IGSF11: variants seen among roughly 807,000 people sequenced by gnomAD.
IGSF11 encodes CXADR like 1.
A neutral mutation model predicts 41.0 loss-of-function variants in IGSF11; 22 were observed. That is an observed-to-expected ratio of 0.54 (90% CI 0.38 to 0.77). The LOEUF is 0.77. Ranked by LOEUF, IGSF11 falls within the 30% of genes least tolerant of loss-of-function variation. IGSF11 has a pLI of 0.00. For missense variants in IGSF11, 444 were observed against 530.8 expected, an observed-to-expected ratio of 0.84 and a Z score of 1.61; for synonymous variants, 219 against 201.3, an observed-to-expected ratio of 1.09 and a Z score of -0.74.
At chr3:119,058,648 C>T (rs1941943639) in intron 1 of IGSF11, among the ~76,000 whole-genome samples, 1 of 152,224 alleles carries the variant, frequency 6.6e-6, no homozygotes, top group South Asian at 2.1e-4. Context: ...GATTATAAAT[C>T]ATGCTGCTAT....
chr3:119,013,104 C>T (rs1460420384), intron 1 of IGSF11: 1 of 152,330 alleles, frequency 6.6e-6, no homozygotes, highest in Non-Finnish European at 1.5e-5. Context: ...GGCTAGCTCT[C>T]CCATGCCCTC....
intron 1 of IGSF11, among the ~76,000 whole-genome samples, chr3:118,957,842 C>A (rs1032947097): frequency 6.6e-6 from 1 of 152,174 alleles, no homozygotes; most frequent in African/African-American, 2.4e-5. Context: ...ACCAACTTGA[C>A]CAAGGATAAA....
chr3:118,970,750 CAAA>C (rs56812884), intron 1 of IGSF11, among the ~76,000 whole-genome samples: 2 of 102,094 alleles, frequency 2.0e-5, no homozygotes, highest in African/African-American at 3.1e-5. Context: ...CACAGTTTTA[CAAA>C]AAAAAAAAAA....
At chr3:118,981,394 C>T (rs1318467348) in intron 1 of IGSF11, among the ~76,000 whole-genome samples, 1 of 152,104 alleles carries the variant, frequency 6.6e-6, no homozygotes, top group Non-Finnish European at 1.5e-5. Flanking sequence ...AACTCCTGAC[C>T]TCAAGTGATC....
chr3:119,037,326 G>A (rs1940954176), upstream of IGSF11, among the ~76,000 whole-genome samples: 1 of 152,054 alleles, frequency 6.6e-6, no homozygotes, highest in South Asian at 2.1e-4. Context: ...AACCCAGGGG[G>A]GATGGGTAAG....
chr3:118,977,403 G>C (rs1934235841), intron 1 of IGSF11, among the ~76,000 whole-genome samples: 1 of 152,142 alleles, frequency 6.6e-6, no homozygotes, highest in Non-Finnish European at 1.5e-5. Context: ...GTTTGGTCTT[G>C]GGTATTAATT....
chr3:119,094,981 T>C (rs1411723965), intron 1 of IGSF11, among the ~76,000 whole-genome samples: 1 of 152,128 alleles, frequency 6.6e-6, no homozygotes, highest in Non-Finnish European at 1.5e-5. Flanking sequence ...CAAGTCTCTA[T>C]ATTTTTAACA....
intron 1 of IGSF11, among the ~76,000 whole-genome samples, chr3:119,078,574 A>T (rs1287126831): frequency 6.6e-6 from 1 of 152,234 alleles, no homozygotes; most frequent in Non-Finnish European, 1.5e-5. Flanking sequence ...CTCAAGATGG[A>T]TTAAAGATTT....
rs190638172 is a variant in IGSF11, at chr3:119,027,688, C to T, written c.52+6843G>A. ...TATCAATAGACATAAACCACATAAACTAAAGCTCTTTGCAGTCCTCAATAA... is the reference window on the plus strand; with the variant it reads ...TATCAATAGACATAAACCACATAAATTAAAGCTCTTTGCAGTCCTCAATAA... On this transcript the variant is annotated intron_variant, in intron 1 of 6. Transcript: ENST00000393775. Among the ~76,000 whole-genome samples, 9 of 152,304 alleles carry T rather than the reference C, an allele frequency of 5.9e-5. No homozygotes were observed. In the East Asian group the frequency reaches 1.7e-3, roughly 29 times the overall value.
At chr3:118,924,296 T>C (rs1942096711) in intron 4 of IGSF11, among the ~76,000 whole-genome samples, 1 of 152,164 alleles carries the variant, frequency 6.6e-6, no homozygotes, top group Admixed American at 6.5e-5. Flanking sequence ...GGATTCACTT[T>C]CCTGGTGTCA....
chr3:118,905,753 C>T (rs761432992), intron 4 of IGSF11, 35 bp from the exon 5 acceptor site: 6 of 1,610,346 alleles, frequency 3.7e-6, no homozygotes, highest in African/African-American at 2.7e-5. Context: ...GAGGATTTGG[C>T]GGGACTAATA....
intron 1 of IGSF11, among the ~76,000 whole-genome samples, chr3:118,950,502 A>G (rs1944492709): frequency 6.6e-6 from 1 of 152,132 alleles, no homozygotes; most frequent in South Asian, 2.1e-4. Context: ...AGAATATTCA[A>G]GGTTAAGGTT....
intron 1 of IGSF11, among the ~76,000 whole-genome samples, chr3:118,956,678 T>C (rs892170321): frequency 2.0e-5 from 3 of 152,142 alleles, no homozygotes; most frequent in Admixed American, 6.5e-5. Context: ...ATATCAAAGA[T>C]TGCTAATTGC....
intron 1 of IGSF11, among the ~76,000 whole-genome samples, chr3:118,961,962 A>G (rs1945366581): frequency 1.3e-5 from 2 of 152,216 alleles, no homozygotes. Flanking sequence ...GGTATGCCCC[A>G]TGAAAGTTAT....
At chr3:119,118,903 A>G (rs1170435057) in intron 1 of IGSF11, among the ~76,000 whole-genome samples, 1 of 152,218 alleles carries the variant, frequency 6.6e-6, no homozygotes, top group Admixed American at 6.5e-5. Context: ...TCTCTGTGCT[A>G]AAATGTAACA....
chr3:119,015,760 A>C (rs560171521), intron 1 of IGSF11, among the ~76,000 whole-genome samples: 36 of 150,478 alleles, frequency 2.4e-4, no homozygotes, highest in African/African-American at 8.5e-4. Context: ...AAAAAAAAAA[A>C]ACTGTTTTAT....
intron 1 of IGSF11, among the ~76,000 whole-genome samples, chr3:119,044,080 A>G (rs1351650331): frequency 6.6e-6 from 1 of 152,248 alleles, no homozygotes; most frequent in Non-Finnish European, 1.5e-5. Flanking sequence ...TGCCAAATAA[A>G]GAATTCAGAA....
intron 1 of IGSF11, among the ~76,000 whole-genome samples, chr3:119,071,060 T>A (rs988766558): frequency 4.6e-5 from 7 of 152,114 alleles, no homozygotes; most frequent in African/African-American, 1.7e-4. Context: ...GGCTTGCAGT[T>A]AGGAGGCTTA....
At chr3:119,094,067 CAT>C (rs1407254170) in intron 1 of IGSF11, among the ~76,000 whole-genome samples, 71 of 151,196 alleles carry the variant, frequency 4.7e-4, no homozygotes, top group African/African-American at 1.7e-3. Context: ...TGAGGTATAA[CAT>C]GTAGCAGGAA....
Sources: allele counts gnomAD v4.1 joint callset (sites outside exome capture counted in the v4.1 genomes callset), GRCh38; gene constraint gnomAD v4.1.1; transcripts MANE v1.5; gene names NCBI Gene and HGNC (gene_info 2026-07-23, HGNC 2026-07-21).